The following SGCD variants were observed in gnomAD, a reference collection of about 807,000 sequenced individuals.
SGCD encodes delta-sarcoglycan.
A neutral mutation model predicts 36.6 loss-of-function variants in SGCD; 18 were observed. The ratio of observed to expected loss-of-function variants is 0.49; its 90% CI spans 0.34 to 0.73. The LOEUF is 0.73. Ranked by LOEUF, SGCD falls within the 30% of genes least tolerant of loss-of-function variation. The probability of loss-of-function intolerance (pLI) is 0.01; values close to 1 mark genes in which losing one functional copy is unlikely to be tolerated. For missense variants in SGCD, 387 were observed against 346.7 expected (o/e 1.12, Z -0.92); for synonymous variants, 133 against 130.6 (o/e 1.02, Z -0.12).
intron 3 of SGCD, among the ~76,000 whole-genome samples, chr5:156,314,849 T>C (rs748575619): frequency 3.3e-5 from 5 of 152,038 alleles, no homozygotes; most frequent in Non-Finnish European, 7.4e-5. Context: ...CATTCAGTGC[T>C]TTATAATTCA....
At chr5:155,772,110 T>C in the SGCD span, among the ~76,000 whole-genome samples, 4 of 152,160 alleles carry the variant, frequency 2.6e-5, no homozygotes, top group African/African-American at 2.4e-5. Context: ...CAGTAGGTAC[T>C]ACAGGGTCAC....
Position 156,287,181 on chromosome 5 carries a change from C to T in SGCD, c.-43-42353C>T, listed in dbSNP as rs143877214. Among the ~76,000 whole-genome samples the T allele has an allele frequency of 2.0e-3, 302 of 152,220 alleles. 2 individuals are homozygous for T. The highest frequency in any genetic ancestry group is 6.9e-3 in the African/African-American group (286 of 41,550). On this transcript the variant is annotated intron_variant, in intron 3 of 9. Coordinates refer to the SGCD transcript ENST00000517913. ...ATTATAATAATTAAAATAGCAGTTT[C>T]CAAAATTTGCTGTGCAACATAATCT...
At chr5:156,524,104 A>G (rs1162675543) in intron 4 of SGCD, among the ~76,000 whole-genome samples, 1 of 11,274 alleles carries the variant, frequency 8.9e-5, no homozygotes, top group South Asian at 2.9e-3. Flanking sequence ...CTATATATAT[A>G]TATATATATA....
chr5:156,172,844 G>C (rs2127622884), intron 3 of SGCD, among the ~76,000 whole-genome samples: 1 of 137,480 alleles, frequency 7.3e-6, no homozygotes, highest in Admixed American at 7.8e-5. Context: ...ATGTATTCGT[G>C]TAATTTGTTT....
intron 3 of SGCD, among the ~76,000 whole-genome samples, chr5:156,159,564 A>T (rs1763042112): frequency 6.6e-6 from 1 of 151,750 alleles, no homozygotes; most frequent in South Asian, 2.1e-4. Flanking sequence ...GATTGTAATA[A>T]CCAATTTTGG....
the SGCD span, among the ~76,000 whole-genome samples, chr5:155,732,761 A>G: frequency 6.6e-6 from 1 of 152,148 alleles, no homozygotes; most frequent in Admixed American, 6.5e-5. Context: ...CCCCAAGCCT[A>G]CATCTATTTA....
chr5:155,960,779 C>T (rs534144418), intron 1 of SGCD, among the ~76,000 whole-genome samples: 1 of 152,176 alleles, frequency 6.6e-6, no homozygotes, highest in South Asian at 2.1e-4. Context: ...ACAAGAAATT[C>T]CTTATGGAAA....
chr5:155,941,703 C>A (rs1308290512), intron 1 of SGCD, among the ~76,000 whole-genome samples: 1 of 151,930 alleles, frequency 6.6e-6, no homozygotes, highest in Non-Finnish European at 1.5e-5. Flanking sequence ...TGCTCAATGT[C>A]TCATACATTC....
the SGCD span, among the ~76,000 whole-genome samples, chr5:155,773,184 C>T: frequency 2.0e-5 from 3 of 152,128 alleles, no homozygotes; most frequent in Non-Finnish European, 4.4e-5. Context: ...GAAGTGTCCA[C>T]TTCTGCTGTA....
chr5:156,225,828 C>T (rs1428315916), intron 3 of SGCD, among the ~76,000 whole-genome samples: 1 of 151,058 alleles, frequency 6.6e-6, no homozygotes, highest in Non-Finnish European at 1.5e-5. Flanking sequence ...AAAAAAAAAA[C>T]CTTAAAGGTT....
chr5:155,999,739 A>G (rs1758625985), intron 1 of SGCD, among the ~76,000 whole-genome samples: 1 of 152,226 alleles, frequency 6.6e-6, no homozygotes, highest in Admixed American at 6.5e-5. Context: ...ACCCTGCCTG[A>G]AAGACAGATG....
At chr5:156,531,381 G>A (rs1757882393) in intron 4 of SGCD, among the ~76,000 whole-genome samples, 1 of 152,164 alleles carries the variant, frequency 6.6e-6, no homozygotes, top group Non-Finnish European at 1.5e-5. Flanking sequence ...GAAACAGATG[G>A]ACTAAAACAG....
chr5:155,736,314 A>G, the SGCD span, among the ~76,000 whole-genome samples: 1 of 152,176 alleles, frequency 6.6e-6, no homozygotes, highest in Non-Finnish European at 1.5e-5. Context: ...ACCCAAACTA[A>G]CAAGACTCTG....
At chr5:156,604,136 A>G (rs182681654) in intron 6 of SGCD, among the ~76,000 whole-genome samples, 1 of 152,016 alleles carries the variant, frequency 6.6e-6, no homozygotes, top group East Asian at 1.9e-4. Context: ...TTCTTTTATC[A>G]CTATACAATG....
intron 4 of SGCD, among the ~76,000 whole-genome samples, chr5:156,533,295 A>G (rs1757964242): frequency 6.6e-6 from 1 of 151,980 alleles, no homozygotes; most frequent in African/African-American, 2.4e-5. Context: ...ACCATCTCCT[A>G]CTATCCTGTT....
At chr5:156,112,113 G>A (rs1209469577) in intron 1 of SGCD, among the ~76,000 whole-genome samples, 1 of 152,054 alleles carries the variant, frequency 6.6e-6, no homozygotes, top group East Asian at 1.9e-4. Flanking sequence ...TTGCCCATTT[G>A]TTTTCCTTTT....
intron 3 of SGCD, among the ~76,000 whole-genome samples, chr5:156,471,780 A>G (rs185560098): frequency 3.3e-5 from 5 of 152,252 alleles, no homozygotes; most frequent in East Asian, 3.9e-4. Context: ...ACATAAAAAA[A>G]TTAGTTAGAC....
chr5:156,074,290 T>C (rs1760697307), intron 1 of SGCD, among the ~76,000 whole-genome samples: 1 of 152,188 alleles, frequency 6.6e-6, no homozygotes, highest in Non-Finnish European at 1.5e-5. Flanking sequence ...GATTGTCATC[T>C]TGGGGTCAGA....
chr5:156,664,380 TG>T (rs1382706040), intron 7 of SGCD, among the ~76,000 whole-genome samples: 1 of 149,630 alleles, frequency 6.7e-6, no homozygotes, highest in Non-Finnish European at 1.5e-5. Context: ...CATCGGCAAT[TG>T]ACTTTTGAGC....
Sources: allele counts gnomAD v4.1 joint callset (sites outside exome capture counted in the v4.1 genomes callset), GRCh38; gene constraint gnomAD v4.1.1; transcripts MANE v1.5; gene names NCBI Gene and HGNC (gene_info 2026-07-23, HGNC 2026-07-21).